Variants in SLC45A4 observed in about 807,000 individuals in gnomAD.
SLC45A4 encodes the protein solute carrier family 45 member 4.
SLC45A4 carries 32 observed loss-of-function variants against 63.7 expected under a neutral mutation model. That is an observed-to-expected ratio of 0.50 (90% CI 0.38 to 0.67). The LOEUF is 0.67. Among genes scored for constraint, SLC45A4 ranks in the 30% least tolerant of loss-of-function variants. The pLI is 0.00. For synonymous variants in SLC45A4, 535 were observed against 510.0 expected (o/e 1.05, Z -0.66); for missense variants, 1,027 against 1,157.7 (o/e 0.89, Z 1.64).
Position 141,211,289 on chromosome 8 carries a change from A to T in SLC45A4, c.*283T>A. The T allele has an allele frequency of 1.2e-6, 1 of 848,240 alleles. No homozygotes were observed. Among genetic ancestry groups the T allele is most frequent in the Non-Finnish European group, 1.7e-6 (1 of 592,766 alleles). The allele number at this position is 848,240 out of a possible 1,614,324, so 52.5% of individuals were successfully genotyped here. Reference sequence around the variant, plus strand: ...GTCTGGAGGGGCAACCTGGCCTCCTAGGAGAGTCCTTCAGACGGGACGAGC... The same window carrying T: ...GTCTGGAGGGGCAACCTGGCCTCCTTGGAGAGTCCTTCAGACGGGACGAGC... On this transcript the variant is annotated 3_prime_UTR_variant, in exon 9 of 9. Coordinates refer to ENST00000517878, the MANE Select transcript of SLC45A4 (RefSeq NM_001286646.2).
intron 3 of SLC45A4, among the ~76,000 whole-genome samples, chr8:141,220,207 A>G (rs1182781740): frequency 6.6e-6 from 1 of 152,244 alleles, no homozygotes; most frequent in African/African-American, 2.4e-5. Flanking sequence ...ATGGTAGTGC[A>G]GACGCCCACA....
rs192940345 is a variant in SLC45A4 at position 141,229,363 on chromosome 8, G to C, written c.242-7598C>G. The stretch of plus-strand genomic sequence containing the variant: ...CTGGCTGGACAGCCCATGCCAGACC[G>C]CTTCCCTCTCCACACCAGACTCCAA... On this transcript the variant is annotated intron_variant, in intron 2 of 8. Transcript: ENST00000517878. This position sits in a 1 kb window ranked among gnomAD's most constrained non-coding sequence, Gnocchi z 5.0. Among the ~76,000 whole-genome samples, 1 of 151,992 alleles carries C rather than the reference G, an allele frequency of 6.6e-6. No homozygotes were observed. Among genetic ancestry groups the C allele is most frequent in the Non-Finnish European group, 1.5e-5 (1 of 67,984 alleles).
At chr8:141,233,546 G>A (rs1827471652) in intron 2 of SLC45A4, among the ~76,000 whole-genome samples, 1 of 152,118 alleles carries the variant, frequency 6.6e-6, no homozygotes, top group African/African-American at 2.4e-5. Context: ...AATTAGCCGG[G>A]CATGGTGGCA....
At position 141,211,079 on chromosome 8, in the gene SLC45A4, A is replaced by C. The variant is rs1825776166; in HGVS notation, c.*493T>G. On this transcript the variant is annotated 3_prime_UTR_variant, in exon 9 of 9. Coordinates refer to ENST00000517878, the MANE Select transcript of SLC45A4 (RefSeq NM_001286646.2). Reference sequence around the variant, plus strand: ...GCATGGAGTTCCGACAGGTTCCAGCACGCATGTCCCCTTCGCAAGCGGGGG... The same window carrying C: ...GCATGGAGTTCCGACAGGTTCCAGCCCGCATGTCCCCTTCGCAAGCGGGGG... 5.2e-6 allele frequency: 1 copy of C among 191,320 alleles called. No individual in the cohort carries two copies. Among genetic ancestry groups the C allele is most frequent in the South Asian group, 1.6e-4 (1 of 6,220 alleles). The allele number at this position is 191,320 out of a possible 1,614,324, so 11.9% of individuals were successfully genotyped here.
intron 2 of SLC45A4, among the ~76,000 whole-genome samples, chr8:141,248,658 G>C (rs1828329927): frequency 1.3e-5 from 2 of 152,152 alleles, no homozygotes; most frequent in South Asian, 4.1e-4. Flanking sequence ...TTAAGCCCAA[G>C]AGTTCAAGAC....
chr8:141,253,933 C>T (rs1193275343), intron 2 of SLC45A4, 56 bp downstream of exon 2: 10 of 1,525,236 alleles, frequency 6.6e-6, no homozygotes, highest in African/African-American at 2.7e-5. Flanking sequence ...GAGCCACGCC[C>T]AGTCCGCTAG....
At chr8:141,295,058 T>C (rs750432199) in intron 1 of SLC45A4, among the ~76,000 whole-genome samples, 13 of 152,298 alleles carry the variant, frequency 8.5e-5, no homozygotes, top group Admixed American at 2.0e-4. Flanking sequence ...GGCAGGCCTG[T>C]CTGTCTTGGG....
chr8:141,243,352 T>C (rs894198542), intron 2 of SLC45A4, among the ~76,000 whole-genome samples: 1 of 152,206 alleles, frequency 6.6e-6, no homozygotes, highest in African/African-American at 2.4e-5. Context: ...TCTGTGTCAA[T>C]GGCGCTCTCA....
intron 1 of SLC45A4, among the ~76,000 whole-genome samples, chr8:141,263,893 G>C (rs1055424881): frequency 2.0e-5 from 3 of 152,172 alleles, no homozygotes; most frequent in Admixed American, 6.5e-5. Flanking sequence ...AAGATCTAGA[G>C]GGTGGAACTG....
intron 2 of SLC45A4, among the ~76,000 whole-genome samples, chr8:141,230,840 C>A (rs1405523375): frequency 6.6e-6 from 1 of 152,236 alleles, no homozygotes; most frequent in Non-Finnish European, 1.5e-5. Context: ...GTGCATTCTG[C>A]CAGCCAAATT....
At chr8:141,244,020 A>T (rs1828042933) in intron 2 of SLC45A4, among the ~76,000 whole-genome samples, 1 of 152,042 alleles carries the variant, frequency 6.6e-6, no homozygotes, top group Non-Finnish European at 1.5e-5. Flanking sequence ...TGGATTTTTG[A>T]CTGTATGGGG....
At chr8:141,230,266 T>A (rs1008952546) in intron 2 of SLC45A4, 2 of 373,106 alleles carry the variant, frequency 5.4e-6, no homozygotes, top group African/African-American at 2.1e-5. Flanking sequence ...GTCTTTAAAG[T>A]TAAAGGTGCT....
chr8:141,233,192 G>A (rs28576545), intron 2 of SLC45A4, among the ~76,000 whole-genome samples: 319 of 152,338 alleles, frequency 2.1e-3, no homozygotes, highest in African/African-American at 7.2e-3. Context: ...TCAGGAGCCA[G>A]GATGAGCTGG....
chr8:141,272,293 G>A (rs540104417), intron 1 of SLC45A4, among the ~76,000 whole-genome samples: 1 of 152,178 alleles, frequency 6.6e-6, no homozygotes, highest in Non-Finnish European at 1.5e-5. Context: ...ATACACTAAA[G>A]CCAAAATCTG....
At chr8:141,230,950 C>A (rs1040549984) in intron 2 of SLC45A4, among the ~76,000 whole-genome samples, 1 of 152,030 alleles carries the variant, frequency 6.6e-6, no homozygotes, top group Non-Finnish European at 1.5e-5. Context: ...CCTCCTGCTC[C>A]GGGGACGCTG....
chr8:141,253,606 C>A (rs1828625713), intron 2 of SLC45A4, among the ~76,000 whole-genome samples: 1 of 152,192 alleles, frequency 6.6e-6, no homozygotes, highest in Admixed American at 6.5e-5. Flanking sequence ...AATTCGCCTG[C>A]ATGACACAGC....
chr8:141,263,550 G>A (rs543431127), intron 1 of SLC45A4, among the ~76,000 whole-genome samples: 10 of 151,540 alleles, frequency 6.6e-5, no homozygotes, highest in Admixed American at 4.6e-4. Context: ...GGTAGATCAC[G>A]ACGTCAGATC....
chr8:141,257,629 A>G (rs542827233), intron 1 of SLC45A4, among the ~76,000 whole-genome samples: 1 of 152,360 alleles, frequency 6.6e-6, no homozygotes, highest in East Asian at 1.9e-4. Context: ...GTCTGTAATA[A>G]GTAATATATG....
At chr8:141,280,707 T>TCGTGTAATGCGACAG (rs1042572670) in intron 1 of SLC45A4, among the ~76,000 whole-genome samples, 2 of 152,176 alleles carry the variant, frequency 1.3e-5, no homozygotes, top group African/African-American at 4.8e-5. Context: ...GGGTTTTTGT[T>TCGTGTAATGCGACAG]CGTGTAATGC....
Sources: gnomAD v4.1 joint callset for allele counts (sites outside exome capture counted in the v4.1 genomes callset) on GRCh38, gnomAD v4.1.1 for gene constraint, Gnocchi (gnomAD v3.1) non-coding constraint, MANE v1.5 for transcripts, NCBI Gene and HGNC (gene_info 2026-07-23, HGNC 2026-07-21) for gene names.